Variants in NCBP1 observed in about 807,000 individuals in gnomAD.
The protein encoded by NCBP1 is nuclear cap-binding protein subunit 1.
NCBP1 carries 16 observed loss-of-function variants against 111.7 expected under a neutral mutation model. The observed-to-expected ratio is 0.14, with a 90% CI of 0.10 to 0.22. The LOEUF (loss-of-function observed/expected upper bound fraction) is 0.22. Among genes scored for constraint, NCBP1 ranks in the 10% least tolerant of loss-of-function variants. The pLI is 1.00. For missense variants in NCBP1, 607 were observed against 957.5 expected, an observed-to-expected ratio of 0.63 and a Z score of 4.83; for synonymous variants, 304 against 314.3, an observed-to-expected ratio of 0.97 and a Z score of 0.35.
Position 97,664,439 on chromosome 9 carries a change from A to G in NCBP1, c.1897A>G (p.Thr633Ala). ...CTCTTCAGAACTATCTCGTGACTTT[A>G]CCAGGTAATATAAATTATTTTATGA... ...IFSSELSRDF[T>A]RLFVWEILHS... is the part of the protein sequence containing the mutation. Residue 633 changes from threonine to alanine, a missense_variant, in exon 19 of 23, where the codon ACC (threonine) becomes GCC (alanine). Coordinates refer to ENST00000375147, the MANE Select transcript of NCBP1 (RefSeq NM_002486.5). The G allele has an allele frequency of 6.3e-7, 1 of 1,588,962 alleles. No individual in the cohort carries two copies. Among genetic ancestry groups the G allele is most frequent in the Non-Finnish European group, 8.6e-7 (1 of 1,157,774 alleles).
intron 11 of NCBP1, 100 bp from the exon 12 acceptor site, chr9:97,654,780 A>T: frequency 9.7e-7 from 1 of 1,029,550 alleles, no homozygotes; most frequent in Non-Finnish European, 1.5e-6. Flanking sequence ...CAGCATTATT[A>T]ATCATTATAA....
chr9:97,654,773 CATT>C, intron 11 of NCBP1, 104 bp from the exon 12 acceptor site: 14 of 951,046 alleles, frequency 1.5e-5, no homozygotes, highest in East Asian at 2.6e-5. Context: ...AGATGTTCAG[CATT>C]ATTAATCATT....
At position 97,664,330 on chromosome 9, in the gene NCBP1, C is replaced by G; in HGVS notation, c.1798-10C>G. The stretch of plus-strand genomic sequence containing the variant: ...GTGTGTGATTTACTTGAATAATTCT[C>G]TCATTGTAGATGATTGCTGTACTAG... On this transcript the variant is annotated splice_polypyrimidine_tract_variant and intron_variant, in intron 18 of 22. Transcript: ENST00000375147. 1 of 1,551,508 alleles carries G rather than the reference C, an allele frequency of 6.4e-7. No individual in the cohort carries two copies. Among genetic ancestry groups the G allele is most frequent in the Non-Finnish European group, 8.9e-7 (1 of 1,124,592 alleles).
intron 22 of NCBP1, chr9:97,669,918 AC>A: frequency 3.9e-6 from 2 of 507,970 alleles, no homozygotes; most frequent in South Asian, 1.9e-5. Context: ...CCCCCCAACA[AC>A]CCCCCGCCCC....
rs543034529 is a variant in NCBP1, at chr9:97,655,809, CTAA to C, written c.1298+47_1298+49del. On this transcript the variant is annotated intron_variant, in intron 13 of 22. Coordinates refer to ENST00000375147, the MANE Select transcript of NCBP1 (RefSeq NM_002486.5). ...ATCTTTTTCTGTAGTCAAAAAACTACTAATGTTTAAAACTGTAACATAAAAGTG... is the reference window on the plus strand; with the variant it reads ...ATCTTTTTCTGTAGTCAAAAAACTACTGTTTAAAACTGTAACATAAAAGTG... 550 of 1,528,986 alleles carry C rather than the reference CTAA, an allele frequency of 3.6e-4. 3 individuals are homozygous for C. The African/African-American group carries it at 6.3e-3, about 17-fold the overall frequency. 94.7% of individuals were successfully genotyped at this position (1,528,986 alleles called of 1,614,324 possible).
In NCBP1 at chr9:97,667,146, G is replaced by A. The variant is rs376187455; in HGVS notation, c.2016+269G>A. On this transcript the variant is annotated intron_variant, in intron 20 of 22. Coordinates refer to ENST00000375147, the MANE Select transcript of NCBP1 (RefSeq NM_002486.5). Reference sequence around the variant, plus strand: ...TTCACTATCTCTGGGTCGGCCTCACGTTTGCACAAGGGAAGTAGCAGAAGG... The same window carrying A: ...TTCACTATCTCTGGGTCGGCCTCACATTTGCACAAGGGAAGTAGCAGAAGG... Among the ~76,000 whole-genome samples the A allele has an allele frequency of 1.5e-3, 232 of 152,228 alleles. 1 individual carries two copies. Among genetic ancestry groups the A allele is most frequent in the African/African-American group, 5.4e-3 (223 of 41,536 alleles).
At chr9:97,656,772 T>C (rs1564024957) in intron 14 of NCBP1, among the ~76,000 whole-genome samples, 1 of 152,166 alleles carries the variant, frequency 6.6e-6, no homozygotes, top group Non-Finnish European at 1.5e-5. Context: ...GCTGATGTAA[T>C]GGCCCATTAT....
chr9:97,664,236 T>G, intron 18 of NCBP1, 104 bp from the exon 19 acceptor site: 1 of 668,680 alleles, frequency 1.5e-6, no homozygotes, highest in South Asian at 2.6e-5. Context: ...CAAAACTAAA[T>G]TTTATAGCCC....
At position 97,645,660 on chromosome 9, in the gene NCBP1, T is replaced by TTCC; in HGVS notation, c.540_541insCCT (p.Val180_Gly181insPro). ...GCATTTCTGTCATCTTTGCCCTGGG[T>TTCC]TGGAAAGGAGTTGTACGAAAAGAAA... On this transcript the variant is annotated inframe_insertion, in exon 6 of 23. Coordinates refer to ENST00000375147, the MANE Select transcript of NCBP1 (RefSeq NM_002486.5). The TTCC allele has an allele frequency of 6.2e-7, 1 of 1,614,086 alleles. No individual in the cohort carries two copies.
chr9:97,645,183 G>C lies in NCBP1; in HGVS notation c.448G>C (p.Glu150Gln). ...CGCCCCATCAATGGTTGCTATGTTTGAAAATTTTGTAAGCGTAACTCAGGA... is the reference window on the plus strand; with the variant it reads ...CGCCCCATCAATGGTTGCTATGTTTCAAAATTTTGTAAGCGTAACTCAGGA... Reference protein sequence around the residue: ...IAAPSMVAMFENFVSVTQEED... With the variant: ...IAAPSMVAMFQNFVSVTQEED... The change falls in exon 5 of 23, where the codon GAA (glutamate) becomes CAA (glutamine). Residue 150 changes from glutamate to glutamine, a missense_variant. Coordinates refer to ENST00000375147, the MANE Select transcript of NCBP1 (RefSeq NM_002486.5). The C allele has an allele frequency of 6.2e-7, 1 of 1,613,432 alleles. No homozygotes were observed. Among genetic ancestry groups the C allele is most frequent in the Non-Finnish European group, 8.5e-7 (1 of 1,179,562 alleles).
chr9:97,649,529 C>A (rs1827440648), intron 8 of NCBP1, among the ~76,000 whole-genome samples: 1 of 151,962 alleles, frequency 6.6e-6, no homozygotes, highest in Non-Finnish European at 1.5e-5. Flanking sequence ...TGCTAATGAC[C>A]AGTAGGAATT....
At chr9:97,648,336 A>G (rs746344728) in intron 8 of NCBP1, 113 bp downstream of exon 8, 13 of 916,532 alleles carry the variant, frequency 1.4e-5, no homozygotes, top group Non-Finnish European at 2.0e-5. Context: ...GTTTTTATCT[A>G]AGAAGGTCAG....
At chr9:97,658,940 A>T (rs1447457658) in intron 15 of NCBP1, among the ~76,000 whole-genome samples, 197 bp downstream of exon 15, 1 of 152,226 alleles carries the variant, frequency 6.6e-6, no homozygotes, top group Non-Finnish European at 1.5e-5. Flanking sequence ...GATAAAATTA[A>T]TTACTACTGG....
At chr9:97,670,258 T>C (rs1199320821) in intron 22 of NCBP1, among the ~76,000 whole-genome samples, 1 of 152,144 alleles carries the variant, frequency 6.6e-6, no homozygotes, top group African/African-American at 2.4e-5. Context: ...CTAGCTGTAA[T>C]ATAAAATGTA....
chr9:97,651,698 C>T (rs1033034053), intron 10 of NCBP1, among the ~76,000 whole-genome samples: 15 of 152,008 alleles, frequency 9.9e-5, no homozygotes, highest in African/African-American at 3.6e-4. Context: ...ACTTAACAGA[C>T]GTATAAGTGA....
Position 97,645,164 on chromosome 9 carries a change from A to G in NCBP1, c.429A>G (p.Pro143=). The change falls in exon 5 of 23, where the codon CCA becomes CCG. Residue 143 remains proline, a synonymous_variant. Coordinates refer to ENST00000375147, the MANE Select transcript of NCBP1 (RefSeq NM_002486.5). ...TGAATTGTCATGTGATTGCCGCCCC[A>G]TCAATGGTTGCTATGTTTGAAAATT... ...DLVNCHVIAA[P]SMVAMFENFV... is the part of the protein sequence containing the mutation. The G allele has an allele frequency of 6.2e-7, 1 of 1,613,540 alleles. No homozygotes were observed. Among genetic ancestry groups the G allele is most frequent in the Non-Finnish European group, 8.5e-7 (1 of 1,179,616 alleles).
chr9:97,650,151 C>G (rs931246125), intron 8 of NCBP1, among the ~76,000 whole-genome samples: 9 of 152,108 alleles, frequency 5.9e-5, no homozygotes, highest in African/African-American at 2.2e-4. Flanking sequence ...AGAATTTTCT[C>G]TCTGCATAGT....
Position 97,655,696 on chromosome 9 carries a change from A to G in NCBP1, c.1236-6A>G. 1.9e-6 allele frequency: 3 copies of G among 1,608,466 alleles called. No homozygotes were observed. The highest frequency in any genetic ancestry group is 1.1e-5 in the South Asian group (1 of 89,740). On this transcript the variant is annotated splice_polypyrimidine_tract_variant and splice_region_variant and intron_variant, in intron 12 of 22. Transcript: ENST00000375147. The stretch of plus-strand genomic sequence containing the variant: ...TTCTCTGCCTACCTCCCCCTTCTCT[A>G]CGTAGGTTTATTAATTGGTTTTCTC...
In NCBP1 at chr9:97,669,613, C is replaced by G; in HGVS notation, c.2166C>G (p.Thr722=). 2 of 1,610,320 alleles carry G rather than the reference C, an allele frequency of 1.2e-6. No homozygotes were observed. Among genetic ancestry groups the G allele is most frequent in the East Asian group, 2.2e-5 (1 of 44,854 alleles). Residue 722 remains threonine, a synonymous_variant, in exon 22 of 23, where the codon ACC becomes ACG. Transcript: ENST00000375147. ...VIFQRFIMIL[T]EHLVRCETDG... is the part of the protein sequence containing the mutation. ...TCCAGCGGTTTATCATGATCTTGAC[C>G]GAGCACCTAGTACGATGCGAAACTG...
Sources: allele counts gnomAD v4.1 joint callset (sites outside exome capture counted in the v4.1 genomes callset), GRCh38; gene constraint gnomAD v4.1.1; transcripts MANE v1.5; gene names NCBI Gene and HGNC (gene_info 2026-07-23, HGNC 2026-07-21).